PXK: variants seen among roughly 807,000 people sequenced by gnomAD.
The protein encoded by PXK is PX domain-containing protein kinase-like protein.
A neutral mutation model predicts 84.7 loss-of-function variants in PXK; 35 were observed. That is an observed-to-expected ratio of 0.41 (90% CI 0.32 to 0.55). PXK has a LOEUF of 0.55. Ranked by LOEUF, PXK falls within the 20% of genes least tolerant of loss-of-function variation. PXK has a pLI of 0.21. For missense variants in PXK, 634 were observed against 699.7 expected, an observed-to-expected ratio of 0.91 and a Z score of 1.06; for synonymous variants, 253 against 260.8, an observed-to-expected ratio of 0.97 and a Z score of 0.29.
chr3:58,334,393 T>A (rs190641624), intron 1 of PXK, among the ~76,000 whole-genome samples: 2 of 152,342 alleles, frequency 1.3e-5, no homozygotes, highest in East Asian at 3.9e-4. Flanking sequence ...TTGCTATCAT[T>A]TGTGCCTAAA....
In PXK at chr3:58,409,869, C is replaced by G. The variant is rs535845684; in HGVS notation, c.1396-221C>G. On this transcript the variant is annotated intron_variant, in intron 15 of 17. Coordinates refer to ENST00000356151, the MANE Select transcript of PXK (RefSeq NM_017771.5). This position sits in a 1 kb window ranked among gnomAD's most constrained non-coding sequence, Gnocchi z 4.2. Reference sequence around the variant, plus strand: ...TATGGCGTAATGTAATTGGAGGAAACGATTGGCCTGAGATAGTAAAGTCAG... The same window carrying G: ...TATGGCGTAATGTAATTGGAGGAAAGGATTGGCCTGAGATAGTAAAGTCAG... Among the ~76,000 whole-genome samples the G allele has an allele frequency of 6.6e-6, 1 of 152,052 alleles. No individual in the cohort carries two copies. The highest frequency in any genetic ancestry group is 1.5e-5 in the Non-Finnish European group (1 of 68,016).
intron 4 of PXK, among the ~76,000 whole-genome samples, chr3:58,384,299 T>A (rs2098532501): frequency 6.6e-6 from 1 of 152,214 alleles, no homozygotes; most frequent in African/African-American, 2.4e-5. Context: ...TGCACGCACA[T>A]TAAAGCGTGA....
chr3:58,337,587 A>G (rs2097646864), intron 1 of PXK, among the ~76,000 whole-genome samples: 1 of 152,074 alleles, frequency 6.6e-6, no homozygotes, highest in South Asian at 2.1e-4. Flanking sequence ...CTCCTGCCTC[A>G]GCCTCCTGAG....
chr3:58,424,512 T>C (rs2062521513), intron 17 of PXK, among the ~76,000 whole-genome samples: 1 of 152,218 alleles, frequency 6.6e-6, no homozygotes, highest in South Asian at 2.1e-4. Context: ...TAATCTGTAA[T>C]TATTTGTTCC....
chr3:58,351,395 T>TTTTGTG lies in PXK; in HGVS notation c.103-14478_103-14477insTTGTGT, dbSNP rs542281716. On this transcript the variant is annotated intron_variant, in intron 1 of 17. Coordinates refer to ENST00000356151, the MANE Select transcript of PXK (RefSeq NM_017771.5). ...GGTGTGCGCCACCACAGCTAGCTATTTGTGTGTGTGTGTGTGTGTGTGTGT... is the reference window on the plus strand; with the variant it reads ...GGTGTGCGCCACCACAGCTAGCTATTTTTGTGTGTGTGTGTGTGTGTGTGTGTGTGT... Among the ~76,000 whole-genome samples, 1,390 of 140,680 alleles carry TTTTGTG rather than the reference T, an allele frequency of 9.9e-3. 38 individuals carry two copies. Among genetic ancestry groups the TTTTGTG allele is most frequent in the East Asian group, 0.073 (325 of 4,424 alleles). 92.3% of individuals were successfully genotyped at this position (140,680 alleles called of 152,430 possible). A position where few individuals can be genotyped will look rare whatever the true frequency, so the allele number is the denominator to read the frequency against.
chr3:58,345,559 A>G (rs1348457057), intron 1 of PXK, among the ~76,000 whole-genome samples: 1 of 152,168 alleles, frequency 6.6e-6, no homozygotes, highest in Non-Finnish European at 1.5e-5. Context: ...TGTCATTGGC[A>G]TTGCTTGAGC....
Position 58,424,765 on chromosome 3 carries a change from ACCTCCACCT to A in PXK, c.1554_1562del (p.Pro522_Pro524del), listed in dbSNP as rs113653851. 2.1e-5 allele frequency: 34 copies of A among 1,613,286 alleles called. No homozygotes were observed. Among genetic ancestry groups the A allele is most frequent in the Middle Eastern group, 1.7e-4 (1 of 6,004 alleles). The stretch of plus-strand genomic sequence containing the variant: ...TTTCCTCCACAGGGATATCTGCATT[ACCTCCACCT>A]CCTCCACCTCCACCACCACCAGCAG... On this transcript the variant is annotated inframe_deletion, in exon 18 of 18. Coordinates refer to ENST00000356151, the MANE Select transcript of PXK (RefSeq NM_017771.5).
At chr3:58,354,683 T>C (rs908628791) in intron 1 of PXK, among the ~76,000 whole-genome samples, 1 of 151,554 alleles carries the variant, frequency 6.6e-6, no homozygotes, top group African/African-American at 2.4e-5. Context: ...CTCCTGACCT[T>C]GTGAATCGCC....
At chr3:58,375,907 T>A (rs896644141) in intron 3 of PXK, among the ~76,000 whole-genome samples, 1 of 152,230 alleles carries the variant, frequency 6.6e-6, no homozygotes, top group African/African-American at 2.4e-5. Flanking sequence ...TCTATATAAT[T>A]GCTTTAAGTA....
chr3:58,374,784 GA>G (rs1559972128), intron 3 of PXK, among the ~76,000 whole-genome samples: 1 of 152,198 alleles, frequency 6.6e-6, no homozygotes, highest in Non-Finnish European at 1.5e-5. Context: ...AATTCTAGGA[GA>G]AAGCTGAAAG....
rs929335917 is a variant in PXK, at chr3:58,421,341, G to T, written c.1529-3411G>T. The T allele has an allele frequency of 3.3e-5, 32 of 977,294 alleles. No homozygotes were observed. The highest frequency in any genetic ancestry group is 1.9e-4 in the Admixed American group (3 of 16,202). The allele number at this position is 977,294 out of a possible 1,614,324, so 60.5% of individuals were successfully genotyped here. On this transcript the variant is annotated intron_variant, in intron 17 of 17. Transcript: ENST00000356151. The surrounding 1 kb of genome is among the most constrained non-coding windows in gnomAD (Gnocchi z 5.5). ...TCACATCTATAATCTCAGCACTTTG[G>T]GAGGCTGAGGCGGGCGGATCACAAG...
chr3:58,370,563 C>T lies in PXK; in HGVS notation c.201+1085C>T, dbSNP rs750568930. On this transcript the variant is annotated intron_variant, in intron 3 of 17. Transcript: ENST00000356151. This position sits in a 1 kb window ranked among gnomAD's most constrained non-coding sequence, Gnocchi z 4.2. Reference sequence around the variant, plus strand: ...CAGCCAGGAGGGAAAGGACTGCTCCCGTCATTGGTGAGCTAGCCGTTATCG... The same window carrying T: ...CAGCCAGGAGGGAAAGGACTGCTCCTGTCATTGGTGAGCTAGCCGTTATCG... Among the ~76,000 whole-genome samples the T allele has an allele frequency of 7.2e-5, 11 of 152,154 alleles. No individual in the cohort carries two copies. The highest frequency in any genetic ancestry group is 1.4e-4 in the African/African-American group (6 of 41,424).
intron 17 of PXK, among the ~76,000 whole-genome samples, chr3:58,415,745 G>A (rs1263773386): frequency 6.6e-6 from 1 of 152,244 alleles, no homozygotes; most frequent in Admixed American, 6.5e-5. Flanking sequence ...GCTGTGCAAG[G>A]AGGACCAGGC....
At chr3:58,417,964 G>A (rs528057554) in intron 17 of PXK, among the ~76,000 whole-genome samples, 1 of 152,202 alleles carries the variant, frequency 6.6e-6, no homozygotes, top group African/African-American at 2.4e-5. Context: ...GACTACAGGT[G>A]TGCACCACCA....
intron 1 of PXK, among the ~76,000 whole-genome samples, chr3:58,351,393 A>G (rs1414992675): frequency 1.3e-5 from 1 of 75,988 alleles, no homozygotes; most frequent in Non-Finnish European, 2.6e-5. Context: ...ACAGCTAGCT[A>G]TTTGTGTGTG....
intron 1 of PXK, among the ~76,000 whole-genome samples, chr3:58,342,883 TAGAC>T (rs1368428458): frequency 6.6e-6 from 1 of 152,190 alleles, no homozygotes; most frequent in East Asian, 1.9e-4. Flanking sequence ...GATGACTTAT[TAGAC>T]AGTGGCATGG....
chr3:58,393,577 T>G (rs972322794), intron 7 of PXK, among the ~76,000 whole-genome samples: 1 of 152,190 alleles, frequency 6.6e-6, no homozygotes. Context: ...TATCATTGGC[T>G]ATACCTTAGT....
At position 58,412,772 on chromosome 3, in the gene PXK, C is replaced by G. The variant is rs967903324; in HGVS notation, c.1466-129C>G. 1.9e-5 allele frequency: 17 copies of G among 909,240 alleles called. No homozygotes were observed. In the East Asian group the frequency reaches 2.4e-4, roughly 13 times the overall value. 56.3% of individuals were successfully genotyped at this position (909,240 alleles called of 1,614,324 possible). On this transcript the variant is annotated intron_variant, in intron 16 of 17. Transcript: ENST00000356151. This position sits in a 1 kb window ranked among gnomAD's most constrained non-coding sequence, Gnocchi z 6.2. ...GGTCTCTGAGTTTTTTGTCCCTCATCATCTTGTTTCACAAGGCTCACACAC... is the reference window on the plus strand; with the variant it reads ...GGTCTCTGAGTTTTTTGTCCCTCATGATCTTGTTTCACAAGGCTCACACAC...
Position 58,391,166 on chromosome 3 carries a change from A to C in PXK, c.486A>C (p.Lys162Asn). 3 of 1,613,644 alleles carry C rather than the reference A, an allele frequency of 1.9e-6. No individual in the cohort carries two copies. The highest frequency in any genetic ancestry group is 2.5e-6 in the Non-Finnish European group (3 of 1,179,652). ...TGGCAGGTTGGAGAATAAGGAAGAA[A>C]TATTTCTTGATGAAGATTAAAAATC... ...LKDIGWRIRK[K>N]YFLMKIKNQP... is the part of the protein sequence containing the mutation. The change falls in exon 6 of 18, where the codon AAA (lysine) becomes AAC (asparagine). Residue 162 changes from lysine (K) to asparagine (N), a missense_variant. Lys to Asn is a moderately conservative substitution (Grantham distance 94, BLOSUM62 0). Around this residue, in one of 3 missense-constraint regions of PXK, gnomAD observed 353 missense variants for 385.2 expected, o/e 0.92. Coordinates refer to ENST00000356151, the MANE Select transcript of PXK (RefSeq NM_017771.5).
Sources: gnomAD v4.1 joint callset for allele counts (sites outside exome capture counted in the v4.1 genomes callset) on GRCh38, gnomAD v4.1.1 for gene constraint, gnomAD v4.1.1 regional missense constraint, Gnocchi (gnomAD v3.1) non-coding constraint, MANE v1.5 for transcripts, NCBI Gene and HGNC (gene_info 2026-07-23, HGNC 2026-07-21) for gene names.